The following TAFA4 variants were observed in gnomAD, a reference collection of about 807,000 sequenced individuals.
TAFA4 encodes TAFA chemokine like family member 4.
In TAFA4, 20 loss-of-function variants were observed where a neutral mutation model predicts 21.1. The ratio of observed to expected loss-of-function variants is 0.95; its 90% CI spans 0.67 to 1.38. The LOEUF (loss-of-function observed/expected upper bound fraction) is 1.38. Among genes scored for constraint, TAFA4 ranks in the 40% most tolerant of loss-of-function variants. The pLI, the probability that TAFA4 is intolerant of heterozygous loss-of-function variation, is 0.00. For synonymous variants in TAFA4, 71 were observed against 67.4 expected (o/e 1.05, Z -0.26); for missense variants, 211 against 180.9 (o/e 1.17, Z -0.95).
chr3:68,810,002 A>T lies in TAFA4; in HGVS notation c.131-56984T>A, dbSNP rs7642365. On this transcript the variant is annotated intron_variant, in intron 3 of 5. Coordinates refer to ENST00000295569, the MANE Select transcript of TAFA4 (RefSeq NM_182522.5). Reference sequence around the variant, plus strand: ...TTCAAATCGGGTAACAGATTTTCTAATCATGATGCCTCTGGCTTTGTTCTT... The same window carrying T: ...TTCAAATCGGGTAACAGATTTTCTATTCATGATGCCTCTGGCTTTGTTCTT... 3.0e-3 allele frequency among the ~76,000 whole-genome samples: 450 copies of T among 152,268 alleles called. 2 individuals carry two copies. The highest frequency in any genetic ancestry group is 0.01 in the African/African-American group (429 of 41,550).
intron 3 of TAFA4, among the ~76,000 whole-genome samples, chr3:68,822,991 G>A (rs1306316407): frequency 1.3e-5 from 2 of 152,110 alleles, no homozygotes; most frequent in African/African-American, 4.8e-5. Flanking sequence ...ATGAATAGGA[G>A]CAGTCATTTC....
At chr3:68,744,681 C>T (rs139711140) in intron 4 of TAFA4, among the ~76,000 whole-genome samples, 130 of 152,024 alleles carry the variant, frequency 8.6e-4, no homozygotes, top group African/African-American at 2.7e-3. Flanking sequence ...ATGACGGATC[C>T]GGATGTATAT....
chr3:68,871,686 C>T (rs1018292667), intron 3 of TAFA4, among the ~76,000 whole-genome samples: 6 of 152,062 alleles, frequency 3.9e-5, no homozygotes, highest in African/African-American at 1.4e-4. Flanking sequence ...ATATAAGGAA[C>T]TCAAACAACT....
At chr3:68,781,567 A>G (rs76504497) in intron 3 of TAFA4, among the ~76,000 whole-genome samples, 3,285 of 152,208 alleles carry the variant, frequency 0.022, 117 homozygotes, top group African/African-American at 0.075. Flanking sequence ...GCTCATTCCA[A>G]AAGATACTGA....
intron 3 of TAFA4, among the ~76,000 whole-genome samples, chr3:68,765,414 T>G (rs1575600158): frequency 6.6e-6 from 1 of 152,164 alleles, no homozygotes. Flanking sequence ...AGCAATAAGC[T>G]GCATTTTTTT....
At chr3:68,803,874 G>T (rs56158802) in intron 3 of TAFA4, among the ~76,000 whole-genome samples, 3 of 136,182 alleles carry the variant, frequency 2.2e-5, no homozygotes, top group Non-Finnish European at 4.5e-5. Context: ...GTGTGATCTC[G>T]GCTCACGGCA....
chr3:68,732,798 C>G lies in TAFA4; in HGVS notation c.*344G>C, dbSNP rs977697728. ...ACCCTTTGGAACATACATCCAAGTTCTTTTGTAAAAGCAGAAAGAAAGTGA... is the reference window on the plus strand; with the variant it reads ...ACCCTTTGGAACATACATCCAAGTTGTTTTGTAAAAGCAGAAAGAAAGTGA... On this transcript the variant is annotated 3_prime_UTR_variant, in exon 6 of 6. Transcript: ENST00000295569. 1 of 267,774 alleles carries G rather than the reference C, an allele frequency of 3.7e-6. No individual in the cohort carries two copies. Among genetic ancestry groups the G allele is most frequent in the Non-Finnish European group, 7.0e-6 (1 of 143,256 alleles). The allele number at this position is 267,774 out of a possible 1,614,324, so 16.6% of individuals were successfully genotyped here. A position where few individuals can be genotyped will look rare whatever the true frequency, so the allele number is the denominator to read the frequency against.
intron 1 of TAFA4, among the ~76,000 whole-genome samples, chr3:68,911,881 C>T (rs1410824735): frequency 1.3e-5 from 2 of 152,186 alleles, no homozygotes; most frequent in African/African-American, 4.8e-5. Flanking sequence ...ACACGGAGGG[C>T]TCTAGTGCCC....
intron 3 of TAFA4, among the ~76,000 whole-genome samples, chr3:68,766,650 T>C (rs1054560974): frequency 6.6e-6 from 1 of 151,274 alleles, no homozygotes; most frequent in Non-Finnish European, 1.5e-5. Context: ...TGTCCCCGAA[T>C]CCTATTTCAG....
intron 4 of TAFA4, among the ~76,000 whole-genome samples, chr3:68,743,965 AAAAT>A (rs1702405442): frequency 1.3e-5 from 2 of 152,256 alleles, no homozygotes; most frequent in African/African-American, 2.4e-5. Context: ...AGTGGATATA[AAAAT>A]AAATAAGAGA....
At chr3:68,757,818 T>TATA (rs1444659440) in intron 3 of TAFA4, among the ~76,000 whole-genome samples, 2 of 152,186 alleles carry the variant, frequency 1.3e-5, no homozygotes, top group African/African-American at 4.8e-5. Flanking sequence ...ACCTTACAAT[T>TATA]ATAATTGACA....
chr3:68,876,075 T>C (rs2089546408), intron 3 of TAFA4, among the ~76,000 whole-genome samples: 1 of 152,142 alleles, frequency 6.6e-6, no homozygotes, highest in Non-Finnish European at 1.5e-5. Flanking sequence ...AAGACCTAAC[T>C]CATTATTAGT....
intron 3 of TAFA4, among the ~76,000 whole-genome samples, chr3:68,843,039 A>C (rs1434032837): frequency 3.3e-5 from 5 of 152,190 alleles, no homozygotes; most frequent in Non-Finnish European, 7.3e-5. Context: ...GTTCCATATA[A>C]AATTTCAAGT....
chr3:68,850,500 C>T (rs1256145720), intron 3 of TAFA4, among the ~76,000 whole-genome samples: 1 of 152,136 alleles, frequency 6.6e-6, no homozygotes, highest in Non-Finnish European at 1.5e-5. Context: ...AACTAATTTA[C>T]ACTCCCACCA....
At chr3:68,877,080 C>T (rs940148141) in intron 3 of TAFA4, among the ~76,000 whole-genome samples, 3 of 152,012 alleles carry the variant, frequency 2.0e-5, no homozygotes, top group African/African-American at 7.2e-5. Context: ...TGTCTCGGGC[C>T]GGGCGCAGTG....
At chr3:68,780,326 A>G (rs1703131001) in intron 3 of TAFA4, among the ~76,000 whole-genome samples, 1 of 152,194 alleles carries the variant, frequency 6.6e-6, no homozygotes, top group Non-Finnish European at 1.5e-5. Flanking sequence ...TTGGGAAGGC[A>G]TGATTGGTTT....
intron 3 of TAFA4, among the ~76,000 whole-genome samples, chr3:68,822,309 A>G (rs1301995549): frequency 1.3e-5 from 2 of 152,206 alleles, no homozygotes; most frequent in African/African-American, 4.8e-5. Context: ...AAGCTACTCT[A>G]TTATGAACTC....
chr3:68,875,356 C>T (rs113617608), intron 3 of TAFA4, among the ~76,000 whole-genome samples: 5 of 152,006 alleles, frequency 3.3e-5, no homozygotes, highest in Admixed American at 6.6e-5. Context: ...GATGGAATCT[C>T]GCTGCAGTGG....
chr3:68,888,855 C>T (rs187336827), intron 1 of TAFA4, among the ~76,000 whole-genome samples: 9 of 151,606 alleles, frequency 5.9e-5, no homozygotes, highest in Admixed American at 5.3e-4. Context: ...TGACCTAATC[C>T]ACCTCTTCAT....
Sources: gnomAD v4.1 joint callset for allele counts (sites outside exome capture counted in the v4.1 genomes callset) on GRCh38, gnomAD v4.1.1 for gene constraint, MANE v1.5 for transcripts, NCBI Gene and HGNC (gene_info 2026-07-23, HGNC 2026-07-21) for gene names.